Variants in TMEM63C observed in about 807,000 individuals in gnomAD.
The protein encoded by TMEM63C is transmembrane protein 63C.
Under a neutral mutation model 99.2 loss-of-function variants are expected in TMEM63C, and 32 were observed. The ratio of observed to expected loss-of-function variants is 0.32; its 90% CI spans 0.24 to 0.43. TMEM63C has a LOEUF of 0.43. Ranked by LOEUF, TMEM63C falls within the 20% of genes least tolerant of loss-of-function variation. TMEM63C has a pLI of 1.00. For synonymous variants in TMEM63C, 376 were observed against 397.9 expected (o/e 0.94, Z 0.66); for missense variants, 826 against 1,053.0 (o/e 0.78, Z 2.98).
chr14:77,186,024 T>G (rs1200471104), intron 1 of TMEM63C, among the ~76,000 whole-genome samples: 1 of 151,530 alleles, frequency 6.6e-6, no homozygotes, highest in African/African-American at 2.4e-5. Context: ...TGTTGTTTTT[T>G]TTTTTGAAAC....
intron 3 of TMEM63C, 66 bp from the exon 4 acceptor site, chr14:77,219,432 G>T: frequency 6.4e-7 from 1 of 1,558,844 alleles, no homozygotes; most frequent in Admixed American, 1.7e-5. Context: ...AGGGAATGCA[G>T]GGGGCCAGCC....
chr14:77,224,283 T>A (rs1051898456), intron 5 of TMEM63C, among the ~76,000 whole-genome samples: 5 of 151,956 alleles, frequency 3.3e-5, no homozygotes, highest in Non-Finnish European at 5.9e-5. Flanking sequence ...TTTGCTCCCC[T>A]CGGCATAAGG....
chr14:77,218,909 G>A lies in TMEM63C; in HGVS notation c.96G>A (p.Gly32=), dbSNP rs1464951783. The change falls in exon 3 of 24, where the codon GGG becomes GGA. Residue 32 remains glycine (G), a synonymous_variant. Transcript: ENST00000298351. ...AGTCTCGGAACACCGTCCTCCAGGG[G>A]CAGCCCTTTGGGGGTGTCCCCACCG... The part of the protein sequence containing the change: ...CFQSRNTVLQ[G]QPFGGVPTVL... 1.9e-6 allele frequency: 3 copies of A among 1,611,420 alleles called. No homozygotes were observed. The highest frequency in any genetic ancestry group is 2.5e-6 in the Non-Finnish European group (3 of 1,178,816).
intron 6 of TMEM63C, among the ~76,000 whole-genome samples, chr14:77,230,722 G>GC (rs35060337): frequency 0.062 from 9,404 of 151,858 alleles, 360 homozygotes; most frequent in Admixed American, 0.1. Context: ...AAAATTATCT[G>GC]CCCCCCCACC....
intron 13 of TMEM63C, 105 bp from the exon 14 acceptor site, chr14:77,242,242 T>C: frequency 7.8e-7 from 1 of 1,287,778 alleles, no homozygotes; most frequent in East Asian, 2.3e-5. Context: ...TGAGCCCCCA[T>C]CTGTAGGACC....
At chr14:77,244,215 G>A (rs757850689) in intron 15 of TMEM63C, 134 bp from the exon 16 acceptor site, 2 of 690,538 alleles carry the variant, frequency 2.9e-6, no homozygotes, top group Non-Finnish European at 5.1e-6. Context: ...AGGAAAGCCA[G>A]TGAGAAGGGC....
At chr14:77,197,387 C>G (rs192983716) in intron 1 of TMEM63C, among the ~76,000 whole-genome samples, 2 of 152,206 alleles carry the variant, frequency 1.3e-5, no homozygotes, top group African/African-American at 4.8e-5. Context: ...AGGGCCCCAG[C>G]CCTACGCCAG....
intron 1 of TMEM63C, among the ~76,000 whole-genome samples, chr14:77,199,403 A>T (rs1888260814): frequency 6.6e-6 from 1 of 152,098 alleles, no homozygotes; most frequent in Non-Finnish European, 1.5e-5. Context: ...GGGCCTCATG[A>T]TCTGGTCCCA....
intron 4 of TMEM63C, 38 bp from the exon 5 acceptor site, chr14:77,219,968 C>T: frequency 3.2e-6 from 5 of 1,545,784 alleles, no homozygotes; most frequent in Non-Finnish European, 4.4e-6. Flanking sequence ...GAACTTTTCT[C>T]TCCTTTCTTA....
chr14:77,194,295 G>C (rs2655976), intron 1 of TMEM63C, among the ~76,000 whole-genome samples: 9,668 of 151,230 alleles, frequency 0.064, 387 homozygotes, highest in East Asian at 0.098. Flanking sequence ...ATATGTTCCT[G>C]GTTGGGTTTA....
Position 77,243,049 on chromosome 14 carries a change from A to T in TMEM63C, c.1334A>T (p.Lys445Met). Residue 445 changes from lysine to methionine, a missense_variant, in exon 15 of 24, where the codon AAG becomes ATG. Transcript: ENST00000298351. Reference protein sequence around the residue: ...DMYNVTRPIEKLQNPIVTQFF... With the variant: ...DMYNVTRPIEMLQNPIVTQFF... ...TACAACGTCACCCGCCCCATCGAGA[A>T]GCTGCAGGTGCCTCCTCTGCTCAGG... 1 of 1,613,704 alleles carries T rather than the reference A, an allele frequency of 6.2e-7. No homozygotes were observed. Among genetic ancestry groups the T allele is most frequent in the Non-Finnish European group, 8.5e-7 (1 of 1,179,856 alleles).
intron 1 of TMEM63C, chr14:77,212,333 C>T (rs1324187242): frequency 6.6e-6 from 1 of 152,230 alleles, no homozygotes; most frequent in Non-Finnish European, 1.5e-5. Context: ...GGATTAAGTC[C>T]AGTCAGTGGC....
intron 6 of TMEM63C, among the ~76,000 whole-genome samples, chr14:77,228,575 C>G (rs1193072817): frequency 6.7e-6 from 1 of 149,420 alleles, no homozygotes; most frequent in Non-Finnish European, 1.5e-5. Flanking sequence ...CTCACTCTGT[C>G]GCCCAGGCTG....
chr14:77,234,185 A>G (rs1243613272), intron 8 of TMEM63C, among the ~76,000 whole-genome samples: 2 of 152,186 alleles, frequency 1.3e-5, no homozygotes, highest in African/African-American at 4.8e-5. Context: ...GATTCCTGAC[A>G]AAGCTGCAGA....
intron 5 of TMEM63C, among the ~76,000 whole-genome samples, chr14:77,220,672 C>T (rs180684697): frequency 3.7e-4 from 56 of 152,178 alleles, no homozygotes; most frequent in African/African-American, 1.1e-3. Context: ...GCAGGGGAGA[C>T]GACCAGACAG....
At chr14:77,230,547 G>T (rs543671359) in intron 6 of TMEM63C, among the ~76,000 whole-genome samples, 1 of 152,140 alleles carries the variant, frequency 6.6e-6, no homozygotes, top group Non-Finnish European at 1.5e-5. Context: ...GGAGGTGAGC[G>T]AGCATTACAC....
chr14:77,236,261 G>T (rs182332769), intron 8 of TMEM63C, among the ~76,000 whole-genome samples: 87 of 12,104 alleles, frequency 7.2e-3, no homozygotes, highest in Middle Eastern at 0.023. Context: ...TGGGTGGGGG[G>T]TATGGGGAGA....
At chr14:77,182,953 T>C in intron 1 of TMEM63C, among the ~76,000 whole-genome samples, 1 of 152,142 alleles carries the variant, frequency 6.6e-6, no homozygotes, top group East Asian at 1.9e-4. Context: ...AGGGTCCATC[T>C]CTTAGCACCA....
At chr14:77,221,822 G>A (rs535992247) in intron 5 of TMEM63C, among the ~76,000 whole-genome samples, 17 of 151,210 alleles carry the variant, frequency 1.1e-4, no homozygotes, top group South Asian at 8.4e-4. Flanking sequence ...TCTTGCCTGC[G>A]TTCTCTGAAA....
Sources: allele counts gnomAD v4.1 joint callset (sites outside exome capture counted in the v4.1 genomes callset), GRCh38; gene constraint gnomAD v4.1.1; transcripts MANE v1.5; gene names NCBI Gene and HGNC (gene_info 2026-07-23, HGNC 2026-07-21).